SMARCA2: variants seen among roughly 807,000 people sequenced by gnomAD.
The protein encoded by SMARCA2 is SWI/SNF-related matrix-associated actin-dependent regulator of chromatin subfamily A member 2.
Under a neutral mutation model 199.8 loss-of-function variants are expected in SMARCA2, and 61 were observed. The ratio of observed to expected loss-of-function variants is 0.31; its 90% CI spans 0.25 to 0.38. The LOEUF (loss-of-function observed/expected upper bound fraction) is 0.38. SMARCA2 is among the 10% of genes least tolerant of loss of function. SMARCA2 has a pLI of 1.00. For synonymous variants in SMARCA2, 935 were observed against 732.0 expected, an observed-to-expected ratio of 1.28 and a Z score of -4.48; for missense variants, 1,344 against 2,012.2, an observed-to-expected ratio of 0.67 and a Z score of 6.35.
intron 9 of SMARCA2, chr9:2,069,039 C>T (rs1366333307): frequency 6.6e-6 from 1 of 151,740 alleles, no homozygotes; most frequent in Non-Finnish European, 1.5e-5. Flanking sequence ...GCCTCAGCCT[C>T]CTGAGTAGCT....
chr9:2,184,774 T>C (rs549690127), intron 31 of SMARCA2, among the ~76,000 whole-genome samples: 1 of 152,282 alleles, frequency 6.6e-6, no homozygotes, highest in South Asian at 2.1e-4. Context: ...TTCTCACCGC[T>C]GAAGGAATTC....
rs975279770 is a variant in SMARCA2, at chr9:2,017,953, C to G, written c.-37+2549C>G. 1 of 152,240 alleles carries G rather than the reference C, an allele frequency of 6.6e-6. No homozygotes were observed. The highest frequency in any genetic ancestry group is 1.5e-5 in the Non-Finnish European group (1 of 68,060). The allele number at this position is 152,240 out of a possible 1,614,324, so 9.4% of individuals were successfully genotyped here. A position where few individuals can be genotyped will look rare whatever the true frequency, so the allele number is the denominator to read the frequency against. ...GTCCTCCGATCGATTGCGTGGAAAA[C>G]TTTCCAGCGGGAGGCACCATGAGGG... On this transcript the variant is annotated intron_variant, in intron 1 of 33. Transcript: ENST00000349721. This position sits in a 1 kb window ranked among gnomAD's most constrained non-coding sequence, Gnocchi z 8.8.
At chr9:2,073,169 G>A (rs1396867735) in intron 10 of SMARCA2, 43 bp from the exon 11 acceptor site, 8 of 1,611,380 alleles carry the variant, frequency 5.0e-6, no homozygotes, top group Non-Finnish European at 5.9e-6. Context: ...ACTGGGGGAA[G>A]GTCTTAACAT....
chr9:2,127,387 TC>T (rs1230770565), intron 27 of SMARCA2, among the ~76,000 whole-genome samples: 2 of 152,212 alleles, frequency 1.3e-5, no homozygotes, highest in Non-Finnish European at 2.9e-5. Context: ...CAGATGGACC[TC>T]AACATGCCCT....
chr9:2,110,532 G>A lies in SMARCA2; in HGVS notation c.3456+115G>A, dbSNP rs964818061. ...CAAATATCTAAACGAGTGGGCTGTT[G>A]CTTTCTTGGAGCCAATTCTTCTGGC... is the stretch of plus-strand genomic sequence containing the variant. On this transcript the variant is annotated intron_variant, in intron 24 of 33. Transcript: ENST00000349721. The surrounding 1 kb of genome is among the most constrained non-coding windows in gnomAD (Gnocchi z 4.8). 2 of 793,966 alleles carry A rather than the reference G, an allele frequency of 2.5e-6. No homozygotes were observed. The highest frequency in any genetic ancestry group is 3.7e-6 in the Non-Finnish European group (2 of 543,002). 49.2% of individuals were successfully genotyped at this position (793,966 alleles called of 1,614,324 possible).
chr9:2,175,071 A>G (rs1477476974), intron 29 of SMARCA2, among the ~76,000 whole-genome samples: 1 of 152,036 alleles, frequency 6.6e-6, no homozygotes, highest in Non-Finnish European at 1.5e-5. Context: ...AACGTCTACA[A>G]GGTGGGGTGG....
chr9:2,112,803 T>C (rs1823060354), intron 24 of SMARCA2, among the ~76,000 whole-genome samples: 1 of 152,248 alleles, frequency 6.6e-6, no homozygotes, highest in Non-Finnish European at 1.5e-5. Context: ...GATTTTATAG[T>C]GATAAAGATC....
In SMARCA2 at chr9:2,077,636, A is replaced by C; in HGVS notation, c.2044A>C (p.Lys682Gln). 1.2e-6 allele frequency: 2 copies of C among 1,613,712 alleles called. No individual in the cohort carries two copies. Among genetic ancestry groups the C allele is most frequent in the Non-Finnish European group, 1.7e-6 (2 of 1,179,664 alleles). The change falls in exon 14 of 34, where the codon AAG (lysine) becomes CAG (glutamine). Residue 682 changes from lysine to glutamine, a missense_variant. By Grantham distance (53) the Lys-to-Gln change is moderately conservative. Coordinates refer to ENST00000349721, the MANE Select transcript of SMARCA2 (RefSeq NM_003070.5). ...KDAKQIIETA[K>Q]QDVDDEYSMQ... ...CACTTTTTCCTTTCCCAGGACAGCT[A>C]AGCAAGACGTGGATGATGAATACAG...
chr9:2,186,098 C>T lies in SMARCA2; in HGVS notation c.4464C>T (p.Ile1488=), dbSNP rs773278155. 5 of 1,613,774 alleles carry T rather than the reference C, an allele frequency of 3.1e-6. No individual in the cohort carries two copies. Among genetic ancestry groups the T allele is most frequent in the Non-Finnish European group, 4.2e-6 (5 of 1,179,770 alleles). ...CAGATGCCCCTTTGACCATTTAGAT[C>T]TATGAAGACTCCATCGTCTTACAGT... ...AQTFNLEGSQ[I]YEDSIVLQSV... The change falls in exon 32 of 34, where the codon ATC becomes ATT. Residue 1488 remains isoleucine (I), a splice_region_variant and synonymous_variant. Coordinates refer to ENST00000349721, the MANE Select transcript of SMARCA2 (RefSeq NM_003070.5).
intron 22 of SMARCA2, 77 bp downstream of exon 22, chr9:2,101,693 C>G: frequency 1.4e-6 from 1 of 725,386 alleles, no homozygotes. Context: ...TACAGTGTTT[C>G]CTCTTGTGCA....
chr9:2,163,821 T>C (rs192157266), intron 28 of SMARCA2, among the ~76,000 whole-genome samples: 6 of 152,294 alleles, frequency 3.9e-5, no homozygotes, highest in Admixed American at 2.0e-4. Context: ...GGCTGTGTCT[T>C]TCTCTAGTGA....
intron 32 of SMARCA2, 106 bp from the exon 33 acceptor site, chr9:2,191,151 TTCTGGGCAC>T: frequency 3.0e-6 from 3 of 1,015,632 alleles, no homozygotes; most frequent in Non-Finnish European, 4.5e-6. Context: ...ACCGGGAATG[TTCTGGGCAC>T]TCTGGGATGT....
Position 2,033,053 on chromosome 9 carries a change from C to T in SMARCA2, c.327C>T (p.Pro109=). The part of the protein sequence containing the change: ...MRPPHPGMGP[P]QSPMDQHSQG... ...CACCTCACCCAGGCATGGGCCCTCC[C>T]CAGAGTCCAATGGATCAACACAGCC... Residue 109 remains proline, a synonymous_variant, in exon 3 of 34, where the codon CCC becomes CCT. Coordinates refer to ENST00000349721, the MANE Select transcript of SMARCA2 (RefSeq NM_003070.5). 1 of 1,614,144 alleles carries T rather than the reference C, an allele frequency of 6.2e-7. No individual in the cohort carries two copies. Among genetic ancestry groups the T allele is most frequent in the Admixed American group, 1.7e-5 (1 of 60,030 alleles).
intron 27 of SMARCA2, among the ~76,000 whole-genome samples, chr9:2,133,373 C>T (rs538882395): frequency 1.2e-3 from 180 of 152,212 alleles, no homozygotes; most frequent in Middle Eastern, 6.8e-3. Context: ...CCTCAAACTC[C>T]TCGGCTCAAG....
chr9:2,091,695 C>T (rs1822069281), intron 19 of SMARCA2, among the ~76,000 whole-genome samples: 1 of 152,162 alleles, frequency 6.6e-6, no homozygotes, highest in African/African-American at 2.4e-5. Flanking sequence ...CTTAGACTGT[C>T]TGAAGCACTG....
chr9:2,161,961 C>T lies in SMARCA2; in HGVS notation c.4199+58C>T. On this transcript the variant is annotated intron_variant, in intron 28 of 33. Coordinates refer to ENST00000349721, the MANE Select transcript of SMARCA2 (RefSeq NM_003070.5). This position sits in a 1 kb window ranked among gnomAD's most constrained non-coding sequence, Gnocchi z 4.7. ...CTCACCAAGACGCCGAGTGGCGCTC[C>T]CTGAGGAGCAGGAGTTGTTAAGTTG... 3 of 1,405,776 alleles carry T rather than the reference C, an allele frequency of 2.1e-6. No individual in the cohort carries two copies. Among genetic ancestry groups the T allele is most frequent in the Non-Finnish European group, 3.0e-6 (3 of 1,004,990 alleles). 87.1% of individuals were successfully genotyped at this position (1,405,776 alleles called of 1,614,324 possible).
Position 2,096,778 on chromosome 9 carries a change from G to C in SMARCA2, c.2991+14G>C, listed in dbSNP as rs376026755. 110 of 1,493,640 alleles carry C rather than the reference G, an allele frequency of 7.4e-5. No individual in the cohort carries two copies. The highest frequency in any genetic ancestry group is 9.7e-5 in the Non-Finnish European group (104 of 1,070,006). The allele number at this position is 1,493,640 out of a possible 1,614,324, so 92.5% of individuals were successfully genotyped here. ...AAAGATAAGAAGGTACGTTGCGAAA[G>C]ATGATGCAACTCAAGGTGCTGTGGT... On this transcript the variant is annotated intron_variant, in intron 20 of 33. Transcript: ENST00000349721.
intron 3 of SMARCA2, among the ~76,000 whole-genome samples, chr9:2,036,239 T>C (rs1277410415): frequency 1.3e-5 from 2 of 151,898 alleles, no homozygotes; most frequent in South Asian, 2.1e-4. Flanking sequence ...TCATGTAGAA[T>C]TGGCACTTAG....
At chr9:2,023,226 C>T (rs1258891086) in intron 1 of SMARCA2, among the ~76,000 whole-genome samples, 1 of 152,098 alleles carries the variant, frequency 6.6e-6, no homozygotes, top group Non-Finnish European at 1.5e-5. Context: ...TTGTTGTTAT[C>T]TTTTGTTGTG....
Sources: allele counts gnomAD v4.1 joint callset (sites outside exome capture counted in the v4.1 genomes callset), GRCh38; gene constraint gnomAD v4.1.1; non-coding constraint Gnocchi (gnomAD v3.1); transcripts MANE v1.5; gene names NCBI Gene and HGNC (gene_info 2026-07-23, HGNC 2026-07-21).